LOXL2: variants seen among roughly 807,000 people sequenced by gnomAD.
The protein encoded by LOXL2 is lysyl oxidase like 2.
Under a neutral mutation model 93.0 loss-of-function variants are expected in LOXL2, and 70 were observed. That is an observed-to-expected ratio of 0.75 (90% CI 0.62 to 0.92). The LOEUF (loss-of-function observed/expected upper bound fraction) is 0.92. LOXL2 is among the 40% of genes least tolerant of loss of function. The probability of loss-of-function intolerance (pLI) is 0.00; values close to 1 mark genes in which losing one functional copy is unlikely to be tolerated. For missense variants in LOXL2, 973 were observed against 1,054.9 expected (o/e 0.92, Z 1.08); for synonymous variants, 438 against 413.2 (o/e 1.06, Z -0.73).
chr8:23,347,769 G>A (rs1414631162), intron 3 of LOXL2, among the ~76,000 whole-genome samples: 2 of 152,030 alleles, frequency 1.3e-5, no homozygotes, highest in African/African-American at 4.8e-5. Flanking sequence ...AGGAGTCCAA[G>A]ACCAGCCTAG....
chr8:23,334,880 G>A (rs1477850533), intron 4 of LOXL2, among the ~76,000 whole-genome samples: 2 of 150,614 alleles, frequency 1.3e-5, no homozygotes, highest in Non-Finnish European at 3.0e-5. Context: ...GCTTTGGCGC[G>A]ATCTTAACTC....
At chr8:23,388,567 C>T (rs939667205) in intron 1 of LOXL2, among the ~76,000 whole-genome samples, 4 of 150,352 alleles carry the variant, frequency 2.7e-5, no homozygotes, top group Admixed American at 1.3e-4. Flanking sequence ...CCAGCCTGGG[C>T]GACAGAGCTG....
rs1230449093 is a variant in LOXL2, at chr8:23,328,289, G to T, written c.1150+93C>A. 3 of 1,361,216 alleles carry T rather than the reference G, an allele frequency of 2.2e-6. No individual in the cohort carries two copies. In the Admixed American group the frequency reaches 5.3e-5, roughly 24 times the overall value. The allele number at this position is 1,361,216 out of a possible 1,614,324, so 84.3% of individuals were successfully genotyped here. A position where few individuals can be genotyped will look rare whatever the true frequency, so the allele number is the denominator to read the frequency against. On this transcript the variant is annotated intron_variant, in intron 6 of 13. Transcript: ENST00000389131. ...CACTAAAGGGAGGAGGGAAAGTGAG[G>T]ATTTCCCGAGAGCTCACGGCCAGCA...
chr8:23,311,547 G>A (rs576824138), intron 9 of LOXL2, among the ~76,000 whole-genome samples: 2 of 152,354 alleles, frequency 1.3e-5, no homozygotes, highest in South Asian at 4.1e-4. Context: ...CAGCTCGCAA[G>A]GCGAGGGATC....
At chr8:23,345,010 G>T (rs1313733632) in intron 3 of LOXL2, among the ~76,000 whole-genome samples, 1 of 152,128 alleles carries the variant, frequency 6.6e-6, no homozygotes, top group Non-Finnish European at 1.5e-5. Flanking sequence ...ACAGCTATGG[G>T]CATCATTTAT....
intron 2 of LOXL2, among the ~76,000 whole-genome samples, chr8:23,360,893 GGTTT>G (rs945752527): frequency 2.2e-4 from 33 of 151,476 alleles, no homozygotes; most frequent in African/African-American, 8.0e-4. Flanking sequence ...AGGTTTGTGG[GGTTT>G]TTTTTGTTTT....
At chr8:23,327,690 C>T (rs1803603222) in intron 6 of LOXL2, among the ~76,000 whole-genome samples, 4 of 152,196 alleles carry the variant, frequency 2.6e-5, no homozygotes, top group African/African-American at 9.6e-5. Context: ...ATGACCAAGG[C>T]TCGCAAGGAT....
intron 9 of LOXL2, among the ~76,000 whole-genome samples, chr8:23,314,589 A>G (rs1162601042): frequency 2.0e-5 from 3 of 150,494 alleles, no homozygotes; most frequent in Admixed American, 6.7e-5. Context: ...TGGGAACTGA[A>G]CAATGAGAAC....
At chr8:23,370,051 T>C (rs1250800792) in intron 1 of LOXL2, among the ~76,000 whole-genome samples, 2 of 152,182 alleles carry the variant, frequency 1.3e-5, no homozygotes, top group Non-Finnish European at 2.9e-5. Context: ...TCACTCCCAA[T>C]GTGCCATCCC....
At chr8:23,324,696 C>A (rs1482275097) in intron 6 of LOXL2, among the ~76,000 whole-genome samples, 1 of 152,122 alleles carries the variant, frequency 6.6e-6, no homozygotes, top group South Asian at 2.1e-4. Context: ...GACCACAAGG[C>A]GTGAGGCAGA....
chr8:23,382,402 G>T (rs1442331041), intron 1 of LOXL2: 1 of 151,826 alleles, frequency 6.6e-6, no homozygotes, highest in Non-Finnish European at 1.5e-5. Context: ...TGTAGTCCCA[G>T]TTACTCAGGA....
chr8:23,314,831 A>AC (rs1803368355), intron 9 of LOXL2, among the ~76,000 whole-genome samples: 1 of 42,584 alleles, frequency 2.3e-5, no homozygotes, highest in Non-Finnish European at 4.0e-5. Context: ...AAACGAAAAA[A>AC]GAAAAAAATA....
In LOXL2 at chr8:23,311,985, C is replaced by T. The variant is rs190924677; in HGVS notation, c.1637-2074G>A. On this transcript the variant is annotated intron_variant, in intron 9 of 13. Transcript: ENST00000389131. Reference sequence around the variant, plus strand: ...CTAGGGCAAAACAAATAGCCTGTGCCGAAATACAAACTACCATCAGAGAAT... The same window carrying T: ...CTAGGGCAAAACAAATAGCCTGTGCTGAAATACAAACTACCATCAGAGAAT... 1.5e-3 allele frequency among the ~76,000 whole-genome samples: 224 copies of T among 151,998 alleles called. 1 individual carries two copies. The highest frequency in any genetic ancestry group is 1.9e-4 in the East Asian group (1 of 5,160).
rs538894235 is a variant in LOXL2, at chr8:23,312,382, T to C, written c.1637-2471A>G. On this transcript the variant is annotated intron_variant, in intron 9 of 13. Coordinates refer to ENST00000389131, the MANE Select transcript of LOXL2 (RefSeq NM_002318.3). ...TTTAGACCAATATCCTTGAGGAACATTGATGCAAAAATCCTCAATAAAATA... is the reference window on the plus strand; with the variant it reads ...TTTAGACCAATATCCTTGAGGAACACTGATGCAAAAATCCTCAATAAAATA... Among the ~76,000 whole-genome samples the C allele has an allele frequency of 1.6e-4, 22 of 141,678 alleles. No individual in the cohort carries two copies. The South Asian group carries it at 5.0e-3, about 32-fold the overall frequency. The allele number at this position is 141,678 out of a possible 152,430, so 92.9% of individuals were successfully genotyped here. A position where few individuals can be genotyped will look rare whatever the true frequency, so the allele number is the denominator to read the frequency against.
chr8:23,334,272 C>G (rs1471584718), intron 4 of LOXL2, among the ~76,000 whole-genome samples: 2 of 152,234 alleles, frequency 1.3e-5, no homozygotes, highest in Non-Finnish European at 2.9e-5. Context: ...CTCCTGATCT[C>G]AAATGATCTG....
At chr8:23,325,323 G>A (rs977660734) in intron 6 of LOXL2, among the ~76,000 whole-genome samples, 1 of 152,108 alleles carries the variant, frequency 6.6e-6, no homozygotes, top group African/African-American at 2.4e-5. Flanking sequence ...ACAGAGTCTC[G>A]CTATGTCACT....
chr8:23,368,877 G>C (rs1000464549), intron 1 of LOXL2, among the ~76,000 whole-genome samples: 8 of 146,196 alleles, frequency 5.5e-5, no homozygotes, highest in African/African-American at 2.0e-4. Context: ...GCCCTCACTG[G>C]AGGGTCTCAG....
chr8:23,308,346 C>G (rs1341329637), intron 10 of LOXL2, among the ~76,000 whole-genome samples: 2 of 152,204 alleles, frequency 1.3e-5, no homozygotes, highest in Admixed American at 6.5e-5. Context: ...GAGCAGGTCC[C>G]AGGCTCTCAG....
In LOXL2 at chr8:23,354,588, C is replaced by CTGTGTGTGTGTGTGTGTGTGTGTGTGTG. The variant is rs35274565; in HGVS notation, c.531+5501_531+5502insCACACACACACACACACACACACACACA. On this transcript the variant is annotated intron_variant, in intron 3 of 13. Coordinates refer to ENST00000389131, the MANE Select transcript of LOXL2 (RefSeq NM_002318.3). ...ACACATGCTGGTTGGCATCCCTTCT[C>CTGTGTGTGTGTGTGTGTGTGTGTGTGTG]TGTGTGTGTGTGTGTGTGTTCTCAC... Among the ~76,000 whole-genome samples the CTGTGTGTGTGTGTGTGTGTGTGTGTGTG allele has an allele frequency of 4.6e-4, 69 of 150,908 alleles. 1 individual carries two copies. Among genetic ancestry groups the CTGTGTGTGTGTGTGTGTGTGTGTGTGTG allele is most frequent in the East Asian group, 2.3e-3 (12 of 5,110 alleles).
Sources: gnomAD v4.1 joint callset for allele counts (sites outside exome capture counted in the v4.1 genomes callset) on GRCh38, gnomAD v4.1.1 for gene constraint, MANE v1.5 for transcripts, NCBI Gene and HGNC (gene_info 2026-07-23, HGNC 2026-07-21) for gene names.